The following CADM2 variants were observed in gnomAD, a reference collection of about 807,000 sequenced individuals.
CADM2 encodes the protein immunoglobulin superfamily member 4D.
Under a neutral mutation model 49.8 loss-of-function variants are expected in CADM2, and 12 were observed. The ratio of observed to expected loss-of-function variants is 0.24; its 90% CI spans 0.15 to 0.39. CADM2 has a LOEUF of 0.39. Ranked by LOEUF, CADM2 falls within the 10% of genes least tolerant of loss-of-function variation. CADM2 has a pLI of 1.00. For synonymous variants in CADM2, 214 were observed against 175.4 expected (o/e 1.22, Z -1.74); for missense variants, 378 against 492.3 (o/e 0.77, Z 2.20).
chr3:85,789,450 C>A (rs1473827375), intron 2 of CADM2, among the ~76,000 whole-genome samples: 1 of 152,114 alleles, frequency 6.6e-6, no homozygotes, highest in African/African-American at 2.4e-5. Context: ...TCACAGAAAT[C>A]ATTTTAAAAC....
chr3:85,058,691 C>T (rs1386741193), intron 1 of CADM2, among the ~76,000 whole-genome samples: 5 of 151,866 alleles, frequency 3.3e-5, no homozygotes, highest in African/African-American at 1.2e-4. Context: ...GTGATCTGCC[C>T]ACCTCAGCCT....
At chr3:85,827,518 A>T (rs1013820460) in intron 3 of CADM2, among the ~76,000 whole-genome samples, 13 of 152,070 alleles carry the variant, frequency 8.5e-5, no homozygotes, top group African/African-American at 3.1e-4. Context: ...AGTGATTCTC[A>T]GTAAATTAAG....
intron 8 of CADM2, among the ~76,000 whole-genome samples, chr3:86,025,219 C>A (rs1733743399): frequency 6.6e-6 from 1 of 151,952 alleles, no homozygotes; most frequent in African/African-American, 2.4e-5. Flanking sequence ...CCACGCCAGC[C>A]TAATTTTTTG....
chr3:85,290,409 T>A (rs371432900), intron 1 of CADM2, among the ~76,000 whole-genome samples: 78 of 152,308 alleles, frequency 5.1e-4, no homozygotes, highest in Admixed American at 3.1e-3. Context: ...CAAAGCAGCC[T>A]GGAAGCTCCA....
chr3:85,501,463 T>G (rs1343581108), intron 1 of CADM2, among the ~76,000 whole-genome samples: 1 of 152,140 alleles, frequency 6.6e-6, no homozygotes, highest in Non-Finnish European at 1.5e-5. Flanking sequence ...TGAAATAGTA[T>G]TATCAACACA....
chr3:85,859,294 GA>G (rs964954633), intron 3 of CADM2, among the ~76,000 whole-genome samples: 2 of 131,148 alleles, frequency 1.5e-5, no homozygotes, highest in African/African-American at 2.9e-5. Flanking sequence ...GCAGTGGTGC[GA>G]TCTTGGCTCA....
chr3:85,259,031 A>T (rs2042953602), intron 1 of CADM2, among the ~76,000 whole-genome samples: 1 of 152,146 alleles, frequency 6.6e-6, no homozygotes, highest in African/African-American at 2.4e-5. Context: ...TAAAGAAAGC[A>T]TTTCTAGTCA....
chr3:86,018,291 G>A (rs553848106), intron 8 of CADM2, among the ~76,000 whole-genome samples: 135 of 132,778 alleles, frequency 1.0e-3, no homozygotes, highest in African/African-American at 3.6e-3. Context: ...TGGACATTTG[G>A]GTTGGTTCCA....
chr3:85,271,465 T>A (rs777443938), intron 1 of CADM2, among the ~76,000 whole-genome samples: 17 of 151,184 alleles, frequency 1.1e-4, no homozygotes, highest in Non-Finnish European at 2.2e-4. Context: ...GGGTCATAAG[T>A]TTTGAAACAG....
At chr3:85,235,595 T>C (rs978591121) in intron 1 of CADM2, among the ~76,000 whole-genome samples, 2 of 152,144 alleles carry the variant, frequency 1.3e-5, no homozygotes, top group African/African-American at 4.8e-5. Flanking sequence ...TAGACATTGT[T>C]TTGTTAATCT....
chr3:85,794,015 T>C (rs1250083947), intron 2 of CADM2, among the ~76,000 whole-genome samples: 1 of 152,174 alleles, frequency 6.6e-6, no homozygotes, highest in African/African-American at 2.4e-5. Flanking sequence ...GGTGCATAAA[T>C]ATGGCATAGT....
chr3:85,457,123 C>G (rs6807445), intron 1 of CADM2, among the ~76,000 whole-genome samples: 90 of 152,222 alleles, frequency 5.9e-4, no homozygotes, highest in African/African-American at 2.1e-3. Context: ...AAAAGAAAAG[C>G]AAAGAAAGGC....
chr3:85,016,308 A>G (rs560879292), intron 1 of CADM2, among the ~76,000 whole-genome samples: 20 of 152,210 alleles, frequency 1.3e-4, no homozygotes, highest in Non-Finnish European at 2.6e-4. Context: ...TTGAAAAAGT[A>G]AAAAAGAGCC....
chr3:85,546,036 C>T (rs1166223497), intron 1 of CADM2, among the ~76,000 whole-genome samples: 1 of 152,310 alleles, frequency 6.6e-6, no homozygotes, highest in African/African-American at 2.4e-5. Flanking sequence ...ATAGCACATT[C>T]TATACCTAAA....
intron 2 of CADM2, among the ~76,000 whole-genome samples, chr3:85,762,812 TGA>T (rs1379061974): frequency 1.3e-5 from 2 of 151,674 alleles, no homozygotes; most frequent in African/African-American, 2.4e-5. Flanking sequence ...CCCTGTACTT[TGA>T]TATTTGCTTT....
At chr3:85,177,978 A>C (rs1312868805) in intron 1 of CADM2, among the ~76,000 whole-genome samples, 2 of 151,988 alleles carry the variant, frequency 1.3e-5, no homozygotes, top group Admixed American at 6.6e-5. Flanking sequence ...TACATTAAGC[A>C]TGCAATATGA....
chr3:85,438,783 C>T (rs2037050074), intron 1 of CADM2, among the ~76,000 whole-genome samples: 1 of 152,078 alleles, frequency 6.6e-6, no homozygotes, highest in African/African-American at 2.4e-5. Context: ...TGTGATCCTC[C>T]TGCTTCAGCC....
chr3:85,698,730 T>C (rs2107701708), intron 1 of CADM2, among the ~76,000 whole-genome samples: 1 of 152,298 alleles, frequency 6.6e-6, no homozygotes, highest in Non-Finnish European at 1.5e-5. Context: ...ATGCTCTACC[T>C]TCAGCACAGG....
At chr3:85,899,908 G>T (rs183345290) in intron 5 of CADM2, among the ~76,000 whole-genome samples, 198 of 152,092 alleles carry the variant, frequency 1.3e-3, no homozygotes, top group African/African-American at 4.4e-3. Flanking sequence ...ATACTGGGGG[G>T]AGCACTATGG....
Sources: allele counts gnomAD v4.1 joint callset (sites outside exome capture counted in the v4.1 genomes callset), GRCh38; gene constraint gnomAD v4.1.1; transcripts MANE v1.5; gene names NCBI Gene and HGNC (gene_info 2026-07-23, HGNC 2026-07-21).